Variants in NEDD4L observed in about 807,000 individuals in gnomAD.
NEDD4L encodes the protein E3 ubiquitin-protein ligase NEDD4-like.
In NEDD4L, 54 loss-of-function variants were observed where a neutral mutation model predicts 148.9. The ratio of observed to expected loss-of-function variants is 0.36; its 90% CI spans 0.29 to 0.45. NEDD4L has a LOEUF of 0.45. NEDD4L is among the 20% of genes least tolerant of loss of function. The pLI, the probability that NEDD4L is intolerant of heterozygous loss-of-function variation, is 1.00. For missense variants in NEDD4L, 856 were observed against 1,233.8 expected, an observed-to-expected ratio of 0.69 and a Z score of 4.59; for synonymous variants, 433 against 440.7, an observed-to-expected ratio of 0.98 and a Z score of 0.22.
At chr18:58,372,978 C>T in intron 23 of NEDD4L, 196 bp from the exon 24 acceptor site, 1 of 523,172 alleles carries the variant, frequency 1.9e-6, no homozygotes, top group Non-Finnish European at 3.5e-6. Context: ...ACTGCAAGCT[C>T]ATTACAACTA....
chr18:58,396,314 T>C lies in NEDD4L; in HGVS notation c.*45T>C. 2 of 1,315,942 alleles carry C rather than the reference T, an allele frequency of 1.5e-6. No individual in the cohort carries two copies. Among genetic ancestry groups the C allele is most frequent in the Admixed American group, 3.7e-5 (2 of 54,116 alleles). The allele number at this position is 1,315,942 out of a possible 1,614,324, so 81.5% of individuals were successfully genotyped here. On this transcript the variant is annotated 3_prime_UTR_variant, in exon 31 of 31. Coordinates refer to ENST00000400345, the MANE Select transcript of NEDD4L (RefSeq NM_001144967.3). ...TGGTTGTTCTTCAAGCAAGTTCTGC[T>C]TGCACTTTTGCATTTGCCTAACAGA... is the stretch of plus-strand genomic sequence containing the variant.
chr18:58,109,910 A>G (rs999673799), intron 1 of NEDD4L, among the ~76,000 whole-genome samples: 2 of 152,138 alleles, frequency 1.3e-5, no homozygotes, highest in African/African-American at 4.8e-5. Context: ...GATGATATTT[A>G]CAGTTTTAGG....
At chr18:58,308,869 A>C (rs1837091892) in intron 5 of NEDD4L, among the ~76,000 whole-genome samples, 1 of 152,216 alleles carries the variant, frequency 6.6e-6, no homozygotes, top group South Asian at 2.1e-4. Context: ...TGATGCCCTC[A>C]TCACCCAGTG....
intron 6 of NEDD4L, among the ~76,000 whole-genome samples, chr18:58,319,423 TCTCA>T (rs1288433015): frequency 1.3e-5 from 2 of 152,222 alleles, no homozygotes; most frequent in African/African-American, 4.8e-5. Flanking sequence ...GAATCCTTTA[TCTCA>T]CTCTATTCCA....
chr18:58,157,200 A>AT (rs1038058420), intron 1 of NEDD4L, among the ~76,000 whole-genome samples: 6 of 151,850 alleles, frequency 4.0e-5, no homozygotes, highest in South Asian at 2.1e-4. Flanking sequence ...AAAAAAAAAA[A>AT]AAGAAAAATA....
chr18:58,248,733 T>C (rs1057319974), intron 3 of NEDD4L, among the ~76,000 whole-genome samples, 166 bp from the exon 4 acceptor site: 1 of 152,156 alleles, frequency 6.6e-6, no homozygotes, highest in African/African-American at 2.4e-5. Flanking sequence ...ATACATTCCC[T>C]CCCCCTCCAG....
chr18:58,062,061 G>A (rs1406205431), intron 1 of NEDD4L, among the ~76,000 whole-genome samples: 1 of 152,148 alleles, frequency 6.6e-6, no homozygotes, highest in East Asian at 1.9e-4. Context: ...CTCATTATTG[G>A]TATTTTCAAA....
intron 2 of NEDD4L, among the ~76,000 whole-genome samples, chr18:58,177,012 G>A (rs566644196): frequency 6.6e-6 from 1 of 152,062 alleles, no homozygotes; most frequent in East Asian, 1.9e-4. Context: ...TAGATACAAA[G>A]GCACCAATAG....
chr18:58,373,041 A>C, intron 23 of NEDD4L, 133 bp from the exon 24 acceptor site: 1 of 623,550 alleles, frequency 1.6e-6, no homozygotes. Flanking sequence ...TAGGTGGAGC[A>C]GGAAACATTG....
chr18:58,252,195 G>C, intron 5 of NEDD4L, 141 bp downstream of exon 5: 1 of 670,320 alleles, frequency 1.5e-6, no homozygotes, highest in Middle Eastern at 3.4e-4. Flanking sequence ...GTCCCACTAC[G>C]AGTTTGATGT....
intron 30 of NEDD4L, among the ~76,000 whole-genome samples, chr18:58,393,443 G>A (rs1468816113): frequency 6.6e-6 from 1 of 152,196 alleles, no homozygotes. Flanking sequence ...CCTAGGAAGG[G>A]CAAAGATCCA....
intron 2 of NEDD4L, among the ~76,000 whole-genome samples, chr18:58,189,631 C>G (rs1315667117): frequency 6.6e-6 from 1 of 152,140 alleles, no homozygotes; most frequent in Admixed American, 6.5e-5. Context: ...TTGCACACAT[C>G]CTGGTCAGCC....
chr18:58,151,685 C>G (rs1041919857), intron 1 of NEDD4L, among the ~76,000 whole-genome samples: 10 of 128,612 alleles, frequency 7.8e-5, no homozygotes, highest in Non-Finnish European at 1.0e-4. Flanking sequence ...ACCAGTGGTG[C>G]TGGACATGTC....
chr18:58,195,687 C>G, intron 2 of NEDD4L: 1 of 1,352,082 alleles, frequency 7.4e-7, no homozygotes, highest in South Asian at 1.1e-5. Context: ...AGACCTGCCT[C>G]TCTCTCCGCT....
intron 5 of NEDD4L, among the ~76,000 whole-genome samples, chr18:58,297,672 C>G (rs1285979053): frequency 6.6e-6 from 1 of 152,038 alleles, no homozygotes; most frequent in South Asian, 2.1e-4. Context: ...ATGAAAATGC[C>G]CCTGCAGATG....
At chr18:58,162,681 C>T (rs533478523) in intron 1 of NEDD4L, among the ~76,000 whole-genome samples, 13 of 151,248 alleles carry the variant, frequency 8.6e-5, no homozygotes, top group African/African-American at 2.7e-4. Flanking sequence ...CTCCAGATAA[C>T]GTGTCTGGCA....
intron 23 of NEDD4L, among the ~76,000 whole-genome samples, chr18:58,371,034 AT>A (rs1043413225): frequency 1.1e-4 from 17 of 148,890 alleles, no homozygotes; most frequent in South Asian, 2.1e-4. Context: ...GAAGGATTTT[AT>A]TTTTTTTTTA....
chr18:58,235,778 G>T (rs1326334147), intron 2 of NEDD4L, among the ~76,000 whole-genome samples: 1 of 152,162 alleles, frequency 6.6e-6, no homozygotes, highest in Non-Finnish European at 1.5e-5. Context: ...CTGTGTCTCT[G>T]TGGGTGTTTT....
chr18:58,353,172 G>A (rs2044141304), intron 18 of NEDD4L, among the ~76,000 whole-genome samples: 1 of 152,208 alleles, frequency 6.6e-6, no homozygotes, highest in South Asian at 2.1e-4. Context: ...CGCAACTCCG[G>A]CTTACTGGAA....
Sources: gnomAD v4.1 joint callset for allele counts (sites outside exome capture counted in the v4.1 genomes callset) on GRCh38, gnomAD v4.1.1 for gene constraint, MANE v1.5 for transcripts, NCBI Gene and HGNC (gene_info 2026-07-23, HGNC 2026-07-21) for gene names.